The following RB1CC1 variants were observed in gnomAD, a reference collection of about 807,000 sequenced individuals.
RB1CC1 encodes the protein RB1 inducible coiled-coil 1.
A neutral mutation model predicts 177.5 loss-of-function variants in RB1CC1; 46 were observed. The observed-to-expected ratio is 0.26, with a 90% CI of 0.20 to 0.33. The LOEUF (loss-of-function observed/expected upper bound fraction) is 0.33. Among genes scored for constraint, RB1CC1 ranks in the 10% least tolerant of loss-of-function variants. RB1CC1 has a pLI of 1.00. For missense variants in RB1CC1, 1,703 were observed against 1,816.3 expected (o/e 0.94, Z 1.13); for synonymous variants, 666 against 613.6 (o/e 1.09, Z -1.26).
intron 15 of RB1CC1, among the ~76,000 whole-genome samples, chr8:52,652,340 C>A (rs1850671644): frequency 6.6e-6 from 1 of 151,786 alleles, no homozygotes; most frequent in Admixed American, 6.6e-5. Flanking sequence ...GTGTCACGCA[C>A]CTGTAGTCCC....
rs1851187849 is a variant in RB1CC1, at chr8:52,657,546, C to T, written c.2283G>A (p.Val761=). The T allele has an allele frequency of 6.2e-7, 1 of 1,613,984 alleles. No individual in the cohort carries two copies. Among genetic ancestry groups the T allele is most frequent in the South Asian group, 1.1e-5 (1 of 91,084 alleles). The change falls in exon 15 of 24, where the codon GTG becomes GTA. Residue 761 remains valine (V), a synonymous_variant. Transcript: ENST00000025008. ...TGATAACTGATGAATAAAGTGATTC[C>T]ACCATCATTTCTGGGCTTTGTGGAT... ...ISDPQSPEMM[V]ESLYSSVINA... is the part of the protein sequence containing the mutation.
At chr8:52,682,898 TA>T (rs1235581073) in intron 5 of RB1CC1, among the ~76,000 whole-genome samples, 13 of 152,300 alleles carry the variant, frequency 8.5e-5, no homozygotes, top group African/African-American at 3.1e-4. Flanking sequence ...ATATACTGCT[TA>T]AAACAAATCT....
At position 52,645,803 on chromosome 8, in the gene RB1CC1, G is replaced by A; in HGVS notation, c.3886C>T (p.Gln1296Ter). The change falls in exon 16 of 24, where the codon CAG becomes TAG. Residue 1296 changes from glutamine to a stop codon, truncating the protein, a stop_gained. Transcript: ENST00000025008. LOFTEE classifies it high-confidence loss of function. ...TCTAGAAACTTAGCTTTTTCTTCCT[G>A]AAGCTTTTCTTGAAGTTCAGCAACT... ...SLVAELQEKL[Q>*]EEKAKFLEQL... is the part of the protein sequence containing the mutation. The A allele has an allele frequency of 6.2e-7, 1 of 1,609,188 alleles. No individual in the cohort carries two copies. Among genetic ancestry groups the A allele is most frequent in the East Asian group, 2.2e-5 (1 of 44,548 alleles).
chr8:52,686,380 C>A (rs1854276119), intron 2 of RB1CC1, among the ~76,000 whole-genome samples: 1 of 152,042 alleles, frequency 6.6e-6, no homozygotes, highest in Non-Finnish European at 1.5e-5. Context: ...CCTGTCTGCA[C>A]AAAATGTTTA....
chr8:52,679,746 A>G (rs1322262883), intron 5 of RB1CC1, among the ~76,000 whole-genome samples: 1 of 152,200 alleles, frequency 6.6e-6, no homozygotes, highest in Admixed American at 6.5e-5. Flanking sequence ...ACATTTAGCA[A>G]AACTTGGGAG....
chr8:52,699,189 T>C (rs964110124), intron 1 of RB1CC1, among the ~76,000 whole-genome samples: 1 of 152,198 alleles, frequency 6.6e-6, no homozygotes, highest in Non-Finnish European at 1.5e-5. Flanking sequence ...GAAAAACAAC[T>C]GACTGCAGAG....
At chr8:52,649,280 C>G (rs1234360404) in intron 15 of RB1CC1, among the ~76,000 whole-genome samples, 2 of 152,160 alleles carry the variant, frequency 1.3e-5, no homozygotes, top group Non-Finnish European at 2.9e-5. Flanking sequence ...CATTGAAACT[C>G]AAGGAAGCAG....
At position 52,642,789 on chromosome 8, in the gene RB1CC1, T is replaced by G. The variant is rs1036987425; in HGVS notation, c.4011A>C (p.Thr1337=). 6.4e-7 allele frequency: 1 copy of G among 1,564,830 alleles called. No homozygotes were observed. Among genetic ancestry groups the G allele is most frequent in the Non-Finnish European group, 8.6e-7 (1 of 1,164,552 alleles). Residue 1337 remains threonine, a synonymous_variant, in exon 17 of 24, where the codon ACA becomes ACC. Coordinates refer to ENST00000025008, the MANE Select transcript of RB1CC1 (RefSeq NM_014781.5). ...TGTTTTCTTTTCTCATTTTCTCTCT[T>G]GTTAAAACAGTGTTAAAATTGGTCT... ...EQQTNFNTVL[T]REKMRKENII... is the part of the protein sequence containing the mutation.
At chr8:52,676,332 T>C in intron 6 of RB1CC1, 37 bp downstream of exon 6, 1 of 1,553,840 alleles carries the variant, frequency 6.4e-7, no homozygotes, top group South Asian at 1.2e-5. Flanking sequence ...TCAAAGGCAT[T>C]TTAAACAAAT....
chr8:52,704,043 A>T (rs926025685), intron 1 of RB1CC1, among the ~76,000 whole-genome samples: 13 of 151,768 alleles, frequency 8.6e-5, no homozygotes, highest in African/African-American at 2.9e-4. Flanking sequence ...ATTGTTAAAA[A>T]ACATTCAGCA....
intron 5 of RB1CC1, among the ~76,000 whole-genome samples, chr8:52,677,605 A>G (rs555994370): frequency 6.6e-6 from 1 of 152,332 alleles, no homozygotes; most frequent in East Asian, 1.9e-4. Flanking sequence ...AAGGCACCTG[A>G]AAGAATGGAT....
At position 52,656,728 on chromosome 8, in the gene RB1CC1, T is replaced by G. The variant is rs2150476641; in HGVS notation, c.3101A>C (p.Glu1034Ala). 6.2e-7 allele frequency: 1 copy of G among 1,613,636 alleles called. No individual in the cohort carries two copies. Among genetic ancestry groups the G allele is most frequent in the Middle Eastern group, 1.7e-4 (1 of 6,056 alleles). ...IINQIQESHA[E>A]IIQEKEKQLQ... ...CTGTTTTTCTTTTTCCTGGATAATT[T>G]CAGCATGAGATTCTTGTATTTGATT... is the stretch of plus-strand genomic sequence containing the variant. Residue 1034 changes from glutamate (E) to alanine (A), a missense_variant, in exon 15 of 24, where the codon GAA becomes GCA. Glu to Ala is a moderately radical substitution (Grantham distance 107, BLOSUM62 -1). Around this residue, in one of 6 missense-constraint regions of RB1CC1, gnomAD observed 1,169 missense variants for 1,184.7 expected, o/e 0.99. Coordinates refer to ENST00000025008, the MANE Select transcript of RB1CC1 (RefSeq NM_014781.5).
At chr8:52,637,612 G>C (rs1849246703) in intron 18 of RB1CC1, among the ~76,000 whole-genome samples, 1 of 152,118 alleles carries the variant, frequency 6.6e-6, no homozygotes, top group East Asian at 1.9e-4. Context: ...TAAAAGATCA[G>C]GCTATGTATG....
chr8:52,651,875 G>C (rs759100304), intron 15 of RB1CC1, among the ~76,000 whole-genome samples: 1 of 152,108 alleles, frequency 6.6e-6, no homozygotes, highest in Non-Finnish European at 1.5e-5. Flanking sequence ...GAGTAAAAAA[G>C]TACAAGAGAT....
chr8:52,651,653 G>C (rs559466654), intron 15 of RB1CC1, among the ~76,000 whole-genome samples: 1 of 152,262 alleles, frequency 6.6e-6, no homozygotes, highest in South Asian at 2.1e-4. Flanking sequence ...ACAAATTAAA[G>C]CCATTAGCAC....
chr8:52,630,646 C>G, intron 20 of RB1CC1, 118 bp from the exon 21 acceptor site: 1 of 976,470 alleles, frequency 1.0e-6, no homozygotes, highest in South Asian at 2.4e-5. Flanking sequence ...TTAAAGAGCC[C>G]AAACTAATAT....
In RB1CC1 at chr8:52,656,148, T is replaced by C; in HGVS notation, c.3681A>G (p.Arg1227=). Residue 1227 remains arginine, a synonymous_variant, in exon 15 of 24, where the codon AGA becomes AGG. Transcript: ENST00000025008. ...AATTAAGCTTCTGAATTAACTGTTC[T>C]CTGTCTTGCTCCTGGCTGCTGACCA... ...QKLVSSQEQD[R]EQLIQKLNCE... 2 of 1,613,882 alleles carry C rather than the reference T, an allele frequency of 1.2e-6. No individual in the cohort carries two copies. The highest frequency in any genetic ancestry group is 1.7e-6 in the Non-Finnish European group (2 of 1,179,886).
intron 22 of RB1CC1, among the ~76,000 whole-genome samples, chr8:52,627,073 G>T (rs1225245634): frequency 3.3e-5 from 5 of 151,564 alleles, no homozygotes; most frequent in South Asian, 2.1e-4. Context: ...AAAAGGCCGG[G>T]TACGGTGGCT....
At chr8:52,630,958 C>T (rs1221275701) in intron 20 of RB1CC1, among the ~76,000 whole-genome samples, 2 of 152,128 alleles carry the variant, frequency 1.3e-5, no homozygotes, top group Non-Finnish European at 2.9e-5. Flanking sequence ...TGCTCACAGC[C>T]GTCACAATTG....
Sources: allele counts gnomAD v4.1 joint callset (sites outside exome capture counted in the v4.1 genomes callset), GRCh38; gene constraint gnomAD v4.1.1; regional missense constraint gnomAD v4.1.1; transcripts MANE v1.5; gene names NCBI Gene and HGNC (gene_info 2026-07-23, HGNC 2026-07-21).